Variants in MAGI2 observed in about 807,000 individuals in gnomAD.
MAGI2 encodes membrane-associated guanylate kinase, WW and PDZ domain-containing protein 2.
Under a neutral mutation model 133.3 loss-of-function variants are expected in MAGI2, and 35 were observed. That is an observed-to-expected ratio of 0.26 (90% CI 0.20 to 0.35). The LOEUF is 0.35. Ranked by LOEUF, MAGI2 falls within the 10% of genes least tolerant of loss-of-function variation. The probability of loss-of-function intolerance (pLI) is 1.00; values close to 1 mark genes in which losing one functional copy is unlikely to be tolerated. For missense variants in MAGI2, 1,636 were observed against 1,863.4 expected (o/e 0.88, Z 2.25); for synonymous variants, 729 against 710.6 (o/e 1.03, Z -0.41).
chr7:78,992,558 A>C (rs1805894386), intron 2 of MAGI2, among the ~76,000 whole-genome samples: 1 of 152,022 alleles, frequency 6.6e-6, no homozygotes, highest in African/African-American at 2.4e-5. Context: ...TCATAAAGAG[A>C]ATAACATCTG....
At chr7:78,656,958 A>T (rs1454824260) in intron 2 of MAGI2, among the ~76,000 whole-genome samples, 1 of 151,748 alleles carries the variant, frequency 6.6e-6, no homozygotes, top group Non-Finnish European at 1.5e-5. Context: ...AACTCTTAAA[A>T]CTCAACAATA....
chr7:79,393,735 T>G (rs923725287), intron 1 of MAGI2, among the ~76,000 whole-genome samples: 1 of 152,236 alleles, frequency 6.6e-6, no homozygotes, highest in Non-Finnish European at 1.5e-5. Flanking sequence ...CACATTGTTA[T>G]GTGAACATTT....
rs187773786 is a variant in MAGI2 at position 78,019,918 on chromosome 7, G to A, written c.3765C>T (p.Gly1255=). The A allele has an allele frequency of 3.8e-4, 610 of 1,610,442 alleles. 5 individuals are homozygous for A. The East Asian group carries it at 0.01, about 27-fold the overall frequency. ...AAAAPGLPEV[G]VSLDDGLAPF... Reference sequence around the variant, plus strand: ...GAGCGAGGCCGTCGTCCAGGGAGACGCCTACTTCCGGCAGACCTGGGGCGG... The same window carrying A: ...GAGCGAGGCCGTCGTCCAGGGAGACACCTACTTCCGGCAGACCTGGGGCGG... The change falls in exon 22 of 22, where the codon GGC becomes GGT. Residue 1255 remains glycine, a synonymous_variant. Transcript: ENST00000354212.
intron 1 of MAGI2, among the ~76,000 whole-genome samples, chr7:79,452,428 C>A (rs1849348606): frequency 6.6e-6 from 1 of 152,126 alleles, no homozygotes; most frequent in African/African-American, 2.4e-5. Context: ...GGAAAAGTTA[C>A]AGAAGACCCG....
At chr7:79,099,527 G>A (rs539426864) in intron 1 of MAGI2, among the ~76,000 whole-genome samples, 1 of 151,918 alleles carries the variant, frequency 6.6e-6, no homozygotes, top group Admixed American at 6.6e-5. Context: ...CTGTTATATA[G>A]GTAAATTGCT....
chr7:78,679,979 C>T (rs577157466), intron 2 of MAGI2, among the ~76,000 whole-genome samples: 1 of 152,196 alleles, frequency 6.6e-6, no homozygotes, highest in Non-Finnish European at 1.5e-5. Flanking sequence ...TTAATAAAAC[C>T]AAGTCAAAAG....
At chr7:78,500,047 A>G (rs1482086187) in intron 5 of MAGI2, among the ~76,000 whole-genome samples, 3 of 152,240 alleles carry the variant, frequency 2.0e-5, no homozygotes, top group African/African-American at 7.2e-5. Context: ...TTTTAAAATT[A>G]GAACATTTGC....
intron 1 of MAGI2, among the ~76,000 whole-genome samples, chr7:79,170,877 G>A (rs1046511484): frequency 1.3e-5 from 2 of 152,048 alleles, no homozygotes; most frequent in Admixed American, 1.3e-4. Context: ...GAATAATAGA[G>A]TGCATTCATT....
intron 3 of MAGI2, among the ~76,000 whole-genome samples, chr7:78,573,396 A>ATATATATATATATATATG (rs1801933320): frequency 1.6e-5 from 1 of 62,120 alleles, no homozygotes; most frequent in Non-Finnish European, 3.0e-5. Flanking sequence ...ATATATATAT[A>ATATATATATATATATATG]TATATATAGG....
intron 1 of MAGI2, among the ~76,000 whole-genome samples, chr7:79,276,718 C>T (rs1007075001): frequency 1.3e-5 from 2 of 152,156 alleles, no homozygotes; most frequent in Non-Finnish European, 2.9e-5. Flanking sequence ...AATCCCAACA[C>T]TTTGGGAGGC....
Position 79,199,672 on chromosome 7 carries a change from T to C in MAGI2, c.302-192466A>G, listed in dbSNP as rs1374214899. On this transcript the variant is annotated intron_variant, in intron 1 of 21. Coordinates refer to ENST00000354212, the MANE Select transcript of MAGI2 (RefSeq NM_012301.4). ...TTATTTAATATAGGATATAGGTGTA[T>C]TCTAATGTACTTTATCAGTGAAATC... Among the ~76,000 whole-genome samples the C allele has an allele frequency of 2.0e-5, 3 of 152,074 alleles. No individual in the cohort carries two copies. The East Asian group carries it at 5.8e-4, about 29-fold the overall frequency.
chr7:79,379,746 T>C (rs1410159051), intron 1 of MAGI2, among the ~76,000 whole-genome samples: 2 of 152,098 alleles, frequency 1.3e-5, no homozygotes, highest in Admixed American at 6.6e-5. Flanking sequence ...GTCTTTTGGC[T>C]GCATAAATGT....
At chr7:78,715,847 A>ATTTTGT (rs59543870) in intron 2 of MAGI2, among the ~76,000 whole-genome samples, 7 of 151,408 alleles carry the variant, frequency 4.6e-5, no homozygotes, top group South Asian at 2.1e-4. Flanking sequence ...ATAAATACAA[A>ATTTTGT]ATATAAGTCC....
chr7:79,133,375 C>A (rs1216440381), intron 1 of MAGI2, among the ~76,000 whole-genome samples: 1 of 152,146 alleles, frequency 6.6e-6, no homozygotes, highest in Non-Finnish European at 1.5e-5. Context: ...ATGTGGCTTG[C>A]CACTTTTCCC....
intron 1 of MAGI2, among the ~76,000 whole-genome samples, chr7:79,237,256 G>A (rs1211407996): frequency 6.6e-6 from 1 of 152,186 alleles, no homozygotes; most frequent in East Asian, 1.9e-4. Context: ...AGCACTTTGG[G>A]AGGCCGAGGC....
chr7:79,016,538 C>T (rs900989131), intron 1 of MAGI2, among the ~76,000 whole-genome samples: 1 of 152,144 alleles, frequency 6.6e-6, no homozygotes, highest in African/African-American at 2.4e-5. Context: ...CTACCACAGT[C>T]TCCCCTGAGT....
intron 6 of MAGI2, among the ~76,000 whole-genome samples, chr7:78,472,238 G>A (rs900683569): frequency 1.3e-5 from 2 of 151,998 alleles, no homozygotes; most frequent in Non-Finnish European, 2.9e-5. Flanking sequence ...CTGTATTAAT[G>A]TCTTAAAACT....
At chr7:78,855,329 T>C (rs1011180165) in intron 2 of MAGI2, among the ~76,000 whole-genome samples, 3 of 152,188 alleles carry the variant, frequency 2.0e-5, no homozygotes, top group Admixed American at 6.5e-5. Context: ...TATGTAGACA[T>C]GTGCCATGTT....
intron 6 of MAGI2, among the ~76,000 whole-genome samples, chr7:78,371,882 C>T (rs770111162): frequency 1.3e-5 from 2 of 152,032 alleles, no homozygotes; most frequent in Admixed American, 6.6e-5. Flanking sequence ...CCTAGACTCA[C>T]ACTTTGAGGC....
Sources: gnomAD v4.1 joint callset for allele counts (sites outside exome capture counted in the v4.1 genomes callset) on GRCh38, gnomAD v4.1.1 for gene constraint, MANE v1.5 for transcripts, NCBI Gene and HGNC (gene_info 2026-07-23, HGNC 2026-07-21) for gene names.